POFUT3: variants seen among roughly 807,000 people sequenced by gnomAD.
POFUT3 encodes the protein GDP-fucose protein O-fucosyltransferase 3.
At chr8:33,348,508 T>C in the POFUT3 span, among the ~76,000 whole-genome samples, 4 of 152,192 alleles carry the variant, frequency 2.6e-5, no homozygotes, top group African/African-American at 9.6e-5. Context: ...ACCGGGTAAC[T>C]GTTGAGACCA....
At chr8:33,389,136 A>C in the POFUT3 span, 1 of 1,614,154 alleles carries the variant, frequency 6.2e-7, no homozygotes, top group Non-Finnish European at 8.5e-7. Flanking sequence ...TAGGCCTCAT[A>C]CAATCTGTCA....
the POFUT3 span, among the ~76,000 whole-genome samples, chr8:33,460,974 GA>G: frequency 6.6e-5 from 10 of 152,104 alleles, no homozygotes; most frequent in African/African-American, 2.2e-4. Flanking sequence ...CCAACATGGT[GA>G]AACCACATCT....
the POFUT3 span, among the ~76,000 whole-genome samples, chr8:33,424,673 T>C: frequency 3.3e-5 from 5 of 152,166 alleles, no homozygotes; most frequent in Admixed American, 6.6e-5. Context: ...CCCTGTACTT[T>C]TGCTTCTTGG....
At chr8:33,389,439 A>G in the POFUT3 span, 1 of 1,614,244 alleles carries the variant, frequency 6.2e-7, no homozygotes, top group Admixed American at 1.7e-5. Flanking sequence ...TTTCGTAAAC[A>G]TTCACCATAG....
chr8:33,359,031 G>T, the POFUT3 span, among the ~76,000 whole-genome samples: 1 of 152,136 alleles, frequency 6.6e-6, no homozygotes, highest in African/African-American at 2.4e-5. Flanking sequence ...AAGCCACCCA[G>T]TATATGACAT....
At chr8:33,446,185 G>A in the POFUT3 span, among the ~76,000 whole-genome samples, 11 of 152,052 alleles carry the variant, frequency 7.2e-5, no homozygotes, top group Admixed American at 1.3e-4. Flanking sequence ...GGCCAGGTGC[G>A]GTAGCTCATG....
chr8:33,326,353 C>T, the POFUT3 span, among the ~76,000 whole-genome samples: 1 of 152,154 alleles, frequency 6.6e-6, no homozygotes, highest in South Asian at 2.1e-4. Flanking sequence ...AAGATTGAGA[C>T]TCCAAAACCC....
chr8:33,385,380 C>T, the POFUT3 span, among the ~76,000 whole-genome samples: 4 of 152,142 alleles, frequency 2.6e-5, no homozygotes, highest in Non-Finnish European at 4.4e-5. Flanking sequence ...TTGTACTGGT[C>T]GTGGTAATGG....
the POFUT3 span, chr8:33,460,822 A>G: frequency 1.1e-4 from 92 of 854,060 alleles, no homozygotes; most frequent in African/African-American, 1.6e-3. Context: ...TCCCTGCCAG[A>G]GGTTTTTTAC....
the POFUT3 span, among the ~76,000 whole-genome samples, chr8:33,330,740 T>TC: frequency 6.6e-6 from 1 of 152,114 alleles, no homozygotes; most frequent in Non-Finnish European, 1.5e-5. Context: ...TGCCTTTGGC[T>TC]CCCTTCACCT....
chr8:33,308,430 T>C, the POFUT3 span, among the ~76,000 whole-genome samples: 2 of 152,202 alleles, frequency 1.3e-5, 1 homozygote, highest in South Asian at 4.1e-4. Flanking sequence ...CATTTTCCTC[T>C]CTGTAAAGTG....
At chr8:33,461,765 A>C in the POFUT3 span, 1 of 794,438 alleles carries the variant, frequency 1.3e-6, no homozygotes, top group Non-Finnish European at 1.8e-6. Flanking sequence ...GCGCAGATTT[A>C]ATAAATATAG....
chr8:33,363,161 G>A, the POFUT3 span, among the ~76,000 whole-genome samples: 1 of 152,128 alleles, frequency 6.6e-6, no homozygotes. Context: ...ATCTGCTCCT[G>A]AATGACTACT....
chr8:33,375,222 T>C, the POFUT3 span, among the ~76,000 whole-genome samples: 20 of 152,128 alleles, frequency 1.3e-4, no homozygotes, highest in East Asian at 3.7e-3. Context: ...CATTCTTGCA[T>C]GTACCTCTTC....
chr8:33,369,080 C>G, the POFUT3 span, among the ~76,000 whole-genome samples: 1 of 152,160 alleles, frequency 6.6e-6, no homozygotes, highest in African/African-American at 2.4e-5. Flanking sequence ...TTTTTCTGGA[C>G]AAATCTCAGT....
chr8:33,339,494 G>C, the POFUT3 span, among the ~76,000 whole-genome samples: 1 of 152,116 alleles, frequency 6.6e-6, no homozygotes, highest in African/African-American at 2.4e-5. Flanking sequence ...AAACAAGAAA[G>C]AAAATGGGGC....
chr8:33,428,932 C>G, the POFUT3 span, among the ~76,000 whole-genome samples: 9 of 152,268 alleles, frequency 5.9e-5, no homozygotes, highest in African/African-American at 2.2e-4. Flanking sequence ...GTTACAGTAG[C>G]ACAAAACAGG....
the POFUT3 span, among the ~76,000 whole-genome samples, chr8:33,338,413 C>A: frequency 6.6e-6 from 1 of 152,122 alleles, no homozygotes; most frequent in East Asian, 1.9e-4. Context: ...CAGACTTACC[C>A]TAATCCTAAA....
the POFUT3 span, among the ~76,000 whole-genome samples, chr8:33,447,176 C>A: frequency 6.6e-6 from 1 of 151,932 alleles, no homozygotes; most frequent in African/African-American, 2.4e-5. Flanking sequence ...AGGCCGGGCG[C>A]GGTGGCTCAA....
Sources: allele counts gnomAD v4.1 joint callset (sites outside exome capture counted in the v4.1 genomes callset), GRCh38; gene constraint gnomAD v4.1.1; transcripts MANE v1.5; gene names NCBI Gene and HGNC (gene_info 2026-07-23, HGNC 2026-07-21).